Variants in CDH13 observed in about 807,000 individuals in gnomAD.
CDH13 encodes the protein cadherin-13.
CDH13 carries 24 observed loss-of-function variants against 63.8 expected under a neutral mutation model. The ratio of observed to expected loss-of-function variants is 0.38; its 90% CI spans 0.27 to 0.53. CDH13 has a LOEUF of 0.53. Among genes scored for constraint, CDH13 ranks in the 20% least tolerant of loss-of-function variants. The pLI is 0.85. For synonymous variants in CDH13, 503 were observed against 355.3 expected, an observed-to-expected ratio of 1.42 and a Z score of -4.67; for missense variants, 1,049 against 903.1, an observed-to-expected ratio of 1.16 and a Z score of -2.07.
At position 83,344,924 on chromosome 16, in the gene CDH13, C is replaced by G. The variant is rs563977188; in HGVS notation, c.699C>G (p.Val233=). ...TCGAGGGGCCGGTGCCTCTGGAAGT[C>G]ATTGTGATTGATCAGAATGACAACC... ...KTLEGPVPLE[V]IVIDQNDNRP... is the part of the protein sequence containing the mutation. The change falls in exon 6 of 14, where the codon GTC becomes GTG. Residue 233 remains valine (V), a synonymous_variant. Coordinates refer to ENST00000567109, the MANE Select transcript of CDH13 (RefSeq NM_001257.5). The G allele has an allele frequency of 1.2e-5, 19 of 1,613,972 alleles. No individual in the cohort carries two copies. The Admixed American group carries it at 3.2e-4, about 27-fold the overall frequency.
At chr16:83,647,467 C>G (rs891348875) in intron 8 of CDH13, among the ~76,000 whole-genome samples, 1 of 152,120 alleles carries the variant, frequency 6.6e-6, no homozygotes, top group East Asian at 1.9e-4. Context: ...AGCAATGATG[C>G]TAGATGTTGG....
At chr16:82,691,423 T>A (rs1032072597) in intron 1 of CDH13, among the ~76,000 whole-genome samples, 2 of 152,160 alleles carry the variant, frequency 1.3e-5, no homozygotes, top group East Asian at 1.9e-4. Context: ...GGGTGAAAGT[T>A]GGTGAATGGG....
chr16:83,608,981 C>T (rs917648576), intron 8 of CDH13, among the ~76,000 whole-genome samples: 4 of 152,116 alleles, frequency 2.6e-5, no homozygotes, highest in African/African-American at 7.2e-5. Flanking sequence ...TTTCTTCTAG[C>T]AGGGTTGATA....
intron 1 of CDH13, among the ~76,000 whole-genome samples, chr16:82,801,046 G>A (rs747610354): frequency 2.0e-5 from 3 of 152,176 alleles, no homozygotes; most frequent in African/African-American, 7.2e-5. Flanking sequence ...ATTAGGACCA[G>A]TGTTTACAAA....
chr16:82,628,045 C>T (rs1192680674), intron 1 of CDH13, among the ~76,000 whole-genome samples: 1 of 152,246 alleles, frequency 6.6e-6, no homozygotes, highest in Non-Finnish European at 1.5e-5. Context: ...CCTGCAGTCA[C>T]CTCTGCACCT....
At chr16:83,329,382 C>T (rs762222147) in intron 5 of CDH13, among the ~76,000 whole-genome samples, 41 of 149,246 alleles carry the variant, frequency 2.7e-4, no homozygotes, top group South Asian at 6.5e-4. Context: ...CGTGCCACCA[C>T]ACATGGCTAA....
chr16:83,387,278 C>T (rs1458741623), intron 6 of CDH13, among the ~76,000 whole-genome samples: 4 of 152,200 alleles, frequency 2.6e-5, no homozygotes, highest in Non-Finnish European at 5.9e-5. Flanking sequence ...GTTCTTTCTT[C>T]TGCAGGAAGA....
intron 6 of CDH13, among the ~76,000 whole-genome samples, chr16:83,450,359 A>C (rs909779995): frequency 4.6e-5 from 7 of 152,006 alleles, no homozygotes; most frequent in African/African-American, 1.7e-4. Context: ...GCAACAAGTG[A>C]CTCAGTCCCT....
chr16:82,697,787 G>GTGTT (rs1302221385), intron 1 of CDH13, among the ~76,000 whole-genome samples: 189 of 106,346 alleles, frequency 1.8e-3, no homozygotes, highest in African/African-American at 7.3e-3. Context: ...GTGTGTGTGT[G>GTGTT]TAAGTTTTTT....
chr16:83,228,928 G>C (rs2039924107), intron 5 of CDH13, among the ~76,000 whole-genome samples: 2 of 152,198 alleles, frequency 1.3e-5, no homozygotes, highest in South Asian at 4.1e-4. Context: ...TGAAGCCAGA[G>C]TGACACACAT....
At chr16:83,186,114 T>C (rs1306240331) in intron 4 of CDH13, among the ~76,000 whole-genome samples, 1 of 144,758 alleles carries the variant, frequency 6.9e-6, no homozygotes, top group African/African-American at 2.6e-5. Flanking sequence ...TATTTTATTT[T>C]ATTTTATTTT....
chr16:82,848,471 A>G (rs552710987), intron 1 of CDH13, among the ~76,000 whole-genome samples: 21 of 152,064 alleles, frequency 1.4e-4, no homozygotes, highest in African/African-American at 4.6e-4. Context: ...TCTCTGTCTC[A>G]TGTTTTGATA....
chr16:83,396,442 C>G (rs780603829), intron 6 of CDH13, among the ~76,000 whole-genome samples: 1 of 152,206 alleles, frequency 6.6e-6, no homozygotes, highest in Non-Finnish European at 1.5e-5. Flanking sequence ...ATTTGGAAGG[C>G]AGCCAGGAGT....
At chr16:83,658,954 G>A (rs1271648415) in intron 8 of CDH13, among the ~76,000 whole-genome samples, 1 of 137,158 alleles carries the variant, frequency 7.3e-6, no homozygotes, top group African/African-American at 2.8e-5. Context: ...TCACCACCAG[G>A]TCCCGTATCC....
At chr16:82,642,091 C>CAAAAA (rs373359175) in intron 1 of CDH13, among the ~76,000 whole-genome samples, 1 of 110,476 alleles carries the variant, frequency 9.1e-6, no homozygotes, top group Non-Finnish European at 1.8e-5. Context: ...TCATGGAGGG[C>CAAAAA]AAAAAAAAAA....
At chr16:83,381,589 C>T (rs551684324) in intron 6 of CDH13, among the ~76,000 whole-genome samples, 4 of 152,156 alleles carry the variant, frequency 2.6e-5, no homozygotes, top group African/African-American at 9.6e-5. Context: ...AATTACCCTT[C>T]ACATCACCTT....
At chr16:83,695,004 C>G (rs6563971) in intron 10 of CDH13, among the ~76,000 whole-genome samples, 85,767 of 151,896 alleles carry the variant, frequency 0.56, 24,627 homozygotes, top group Middle Eastern at 0.7. Flanking sequence ...ATCAGGAGTT[C>G]GAGACCAGCC....
chr16:83,799,578 C>T lies in CDH13; in HGVS notation c.*4548C>T, dbSNP rs1334311090. ...AAGTCACACCAACAGGAAACCCAAGCACTAAAAAAGCCACCTACCTTTTCT... is the reference window on the plus strand; with the variant it reads ...AAGTCACACCAACAGGAAACCCAAGTACTAAAAAAGCCACCTACCTTTTCT... On this transcript the variant is annotated 3_prime_UTR_variant, in exon 14 of 14. Coordinates refer to ENST00000567109, the MANE Select transcript of CDH13 (RefSeq NM_001257.5). The T allele has an allele frequency of 2.0e-5, 3 of 152,132 alleles. No homozygotes were observed. The highest frequency in any genetic ancestry group is 7.2e-5 in the African/African-American group (3 of 41,438). 9.4% of individuals were successfully genotyped at this position (152,132 alleles called of 1,614,324 possible).
At chr16:82,954,373 G>C (rs999147016) in intron 2 of CDH13, 6 of 151,954 alleles carry the variant, frequency 3.9e-5, no homozygotes, top group Non-Finnish European at 7.4e-5. Flanking sequence ...CAGAGATACA[G>C]GGGTTTCCAG....
Sources: gnomAD v4.1 joint callset for allele counts (sites outside exome capture counted in the v4.1 genomes callset) on GRCh38, gnomAD v4.1.1 for gene constraint, MANE v1.5 for transcripts, NCBI Gene and HGNC (gene_info 2026-07-23, HGNC 2026-07-21) for gene names.